The following DOP1B variants were observed in gnomAD, a reference collection of about 807,000 sequenced individuals.
DOP1B encodes protein DOP1B.
Under a neutral mutation model 233.5 loss-of-function variants are expected in DOP1B, and 174 were observed. The ratio of observed to expected loss-of-function variants is 0.75; its 90% CI spans 0.66 to 0.85. DOP1B has a LOEUF of 0.85. Ranked by LOEUF, DOP1B falls within the 40% of genes least tolerant of loss-of-function variation. The probability of loss-of-function intolerance (pLI) is 0.00; values close to 1 mark genes in which losing one functional copy is unlikely to be tolerated. For missense variants in DOP1B, 2,652 were observed against 2,846.6 expected (o/e 0.93, Z 1.56); for synonymous variants, 1,190 against 1,185.6 (o/e 1.00, Z -0.08).
chr21:36,183,889 C>T (rs1217668514), intron 2 of DOP1B, among the ~76,000 whole-genome samples: 6 of 146,632 alleles, frequency 4.1e-5, no homozygotes, highest in African/African-American at 1.0e-4. Flanking sequence ...TTTTAGATGG[C>T]GTCTCACTCT....
chr21:36,178,384 A>T lies in DOP1B; in HGVS notation c.138+13513A>T, dbSNP rs1359604629. On this transcript the variant is annotated intron_variant, in intron 2 of 36. Coordinates refer to ENST00000691173, the MANE Select transcript of DOP1B (RefSeq NM_001320714.2). ...TGTGGTAGCATGCACCTGTAGTCTC[A>T]GCTACTTGGGAGGCTGAGGTGGGAG... 5.8e-4 allele frequency among the ~76,000 whole-genome samples: 88 copies of T among 151,928 alleles called. 1 individual carries two copies. Among genetic ancestry groups the T allele is most frequent in the Non-Finnish European group, 7.4e-5 (5 of 67,996 alleles).
At chr21:36,201,380 T>G (rs961890709) in intron 4 of DOP1B, among the ~76,000 whole-genome samples, 1 of 130,660 alleles carries the variant, frequency 7.7e-6, no homozygotes, top group Non-Finnish European at 1.6e-5. Context: ...CAGAGTCTTG[T>G]TCTATCACCC....
chr21:36,292,662 A>T (rs560575171), intron 36 of DOP1B, among the ~76,000 whole-genome samples: 2 of 138,666 alleles, frequency 1.4e-5, no homozygotes, highest in East Asian at 4.3e-4. Context: ...CCCAGACTGG[A>T]GTGCAATGGC....
chr21:36,292,273 G>GTTTTTTTTT (rs1569075433), intron 36 of DOP1B, 40 bp downstream of exon 36: 1 of 1,381,740 alleles, frequency 7.2e-7, no homozygotes. Context: ...TTTTTTTTTG[G>GTTTTTTTTT]TGAGACAGAG....
rs200319331 is a variant in DOP1B at position 36,200,488 on chromosome 21, G to A, written c.478G>A (p.Glu160Lys). The change falls in exon 4 of 37, where the codon GAG (glutamate) becomes AAG (lysine). Residue 160 changes from glutamate to lysine, a missense_variant. Glu to Lys is a moderately conservative substitution (Grantham distance 56). This residue lies in a region of DOP1B where 2,617 missense variants were observed against 2,794.3 expected (regional missense o/e 0.94). Coordinates refer to ENST00000691173, the MANE Select transcript of DOP1B (RefSeq NM_001320714.2). ...GLLPGLEEGS[E>K]ISDRTDALLL... ...GCTGCCCGGCCTTGAAGAGGGCTCC[G>A]AGATCTCCGACAGGTGCGTGGGCGT... 74 of 1,607,994 alleles carry A rather than the reference G, an allele frequency of 4.6e-5. No individual in the cohort carries two copies. The highest frequency in any genetic ancestry group is 6.2e-5 in the Non-Finnish European group (73 of 1,178,298).
chr21:36,175,793 A>C (rs1205052858), intron 2 of DOP1B: 1 of 150,960 alleles, frequency 6.6e-6, no homozygotes, highest in African/African-American at 2.4e-5. Context: ...ACTCTGTCTC[A>C]AAAAAAAGAA....
At chr21:36,288,377 ATACT>A (rs1337423886) in intron 33 of DOP1B, among the ~76,000 whole-genome samples, 1 of 152,120 alleles carries the variant, frequency 6.6e-6, no homozygotes, top group African/African-American at 2.4e-5. Context: ...CCATTTGATA[ATACT>A]TACTAGTTTT....
At chr21:36,236,803 G>A (rs553144511) in intron 15 of DOP1B, among the ~76,000 whole-genome samples, 92 of 125,058 alleles carry the variant, frequency 7.4e-4, no homozygotes, top group African/African-American at 2.6e-3. Context: ...TTGAGACAGA[G>A]TCTCACTCTA....
Position 36,222,705 on chromosome 21 carries a change from T to C in DOP1B, c.1251-526T>C, listed in dbSNP as rs1394424247. ...AACTGATTTTCTGTACAAATTCTTT[T>C]TACAGTAGCTCTGAAATTATTATTA... On this transcript the variant is annotated intron_variant, in intron 10 of 36. Transcript: ENST00000691173. Among the ~76,000 whole-genome samples, 4 of 152,158 alleles carry C rather than the reference T, an allele frequency of 2.6e-5. No individual in the cohort carries two copies. The East Asian group carries it at 5.8e-4, about 22-fold the overall frequency.
At chr21:36,211,252 T>G (rs2066493945) in intron 5 of DOP1B, among the ~76,000 whole-genome samples, 1 of 152,254 alleles carries the variant, frequency 6.6e-6, no homozygotes, top group Non-Finnish European at 1.5e-5. Context: ...AGAGCTTTAG[T>G]TTAAGGTTCC....
chr21:36,234,112 C>A (rs557965681), intron 15 of DOP1B, among the ~76,000 whole-genome samples: 1 of 152,078 alleles, frequency 6.6e-6, no homozygotes, highest in African/African-American at 2.4e-5. Flanking sequence ...CCCGCCTCAG[C>A]CTCCCAAAGT....
chr21:36,208,741 C>A lies in DOP1B; in HGVS notation c.518C>A (p.Ser173Ter). 1.9e-6 allele frequency: 3 copies of A among 1,613,636 alleles called. No individual in the cohort carries two copies. The highest frequency in any genetic ancestry group is 8.5e-7 in the Non-Finnish European group (1 of 1,179,790). The change falls in exon 5 of 37, where the codon TCG (serine) becomes TAG (stop). Residue 173 changes from serine to a stop codon, truncating the protein, a stop_gained. Transcript: ENST00000691173. LOFTEE classifies it high-confidence loss of function. Reference protein sequence around the residue: ...DRTDALLLRLSLVVGKEVFYT... With the variant: ...DRTDALLLRL ...ACGGATGCTCTGCTCCTGAGACTGT[C>A]GCTGGTGGTTGGCAAAGAGGTGTTT...
chr21:36,256,025 A>AGTCTT (rs1338198227), intron 23 of DOP1B, among the ~76,000 whole-genome samples: 1 of 152,246 alleles, frequency 6.6e-6, no homozygotes, highest in Non-Finnish European at 1.5e-5. Flanking sequence ...TTACCAAAGC[A>AGTCTT]GTCTTCATCA....
rs780670109 is a variant in DOP1B at position 36,238,668 on chromosome 21, G to A, written c.2843G>A (p.Ser948Asn). ...CATCTGACAAGAGAGATCCAAGGCA[G>A]TCGAGTAACATCTCACAATCGCTCC... is the stretch of plus-strand genomic sequence containing the variant. ...IWHLTREIQG[S>N]RVTSHNRSFD... The change falls in exon 17 of 37, where the codon AGT (serine) becomes AAT (asparagine). Residue 948 changes from serine (S) to asparagine (N), a missense_variant. Coordinates refer to ENST00000691173, the MANE Select transcript of DOP1B (RefSeq NM_001320714.2). 1.5e-5 allele frequency: 24 copies of A among 1,614,120 alleles called. No individual in the cohort carries two copies.
chr21:36,269,318 C>G (rs2091996798), intron 26 of DOP1B, among the ~76,000 whole-genome samples: 1 of 151,624 alleles, frequency 6.6e-6, no homozygotes. Context: ...ACCACACCCA[C>G]CTAATTTTGT....
chr21:36,181,267 C>G (rs575974794), intron 2 of DOP1B, among the ~76,000 whole-genome samples: 2 of 151,928 alleles, frequency 1.3e-5, no homozygotes, highest in South Asian at 2.1e-4. Context: ...GAAACTCAAG[C>G]TAGGACTCTG....
chr21:36,261,573 C>T (rs966683978), intron 24 of DOP1B: 2 of 985,200 alleles, frequency 2.0e-6, no homozygotes, highest in African/African-American at 3.5e-5. Context: ...TCAGATCTTA[C>T]AATGGCTGCA....
rs1421803587 is a variant in DOP1B at position 36,288,967 on chromosome 21, T to G, written c.6354-78T>G. ...AAATTTCTTAAAAAGAAAATTCTTC[T>G]GAGGGACAGGTCATAGGTGAATGGA... is the stretch of plus-strand genomic sequence containing the variant. On this transcript the variant is annotated intron_variant, in intron 34 of 36. Transcript: ENST00000691173. 2.6e-6 allele frequency: 4 copies of G among 1,551,948 alleles called. No individual in the cohort carries two copies. In the African/African-American group the frequency reaches 5.6e-5, roughly 22 times the overall value.
At chr21:36,290,033 T>G (rs1022898192) in intron 35 of DOP1B, among the ~76,000 whole-genome samples, 2 of 152,102 alleles carry the variant, frequency 1.3e-5, no homozygotes, top group Admixed American at 6.6e-5. Context: ...TGAACCCTGA[T>G]GTAAACTCTG....
Sources: allele counts gnomAD v4.1 joint callset (sites outside exome capture counted in the v4.1 genomes callset), GRCh38; gene constraint gnomAD v4.1.1; regional missense constraint gnomAD v4.1.1; transcripts MANE v1.5; gene names NCBI Gene and HGNC (gene_info 2026-07-23, HGNC 2026-07-21).